The following KDM3B variants were observed in gnomAD, a reference collection of about 807,000 sequenced individuals.
KDM3B encodes lysine-specific demethylase 3B.
Under a neutral mutation model 170.0 loss-of-function variants are expected in KDM3B, and 10 were observed. That is an observed-to-expected ratio of 0.06 (90% confidence interval 0.04 to 0.10). The LOEUF (loss-of-function observed/expected upper bound fraction) is 0.10, where lower values mean the gene tolerates loss of function less well. Among genes scored for constraint, KDM3B ranks in the 10% least tolerant of loss-of-function variants. The pLI, the probability that KDM3B is intolerant of heterozygous loss-of-function variation, is 1.00. For synonymous variants in KDM3B, 831 were observed against 834.8 expected (o/e 1.00, Z 0.08); for missense variants, 1,394 against 2,195.2 (o/e 0.64, Z 7.29).
chr5:138,399,524 C>T (rs890896476), intron 10 of KDM3B, among the ~76,000 whole-genome samples: 6 of 151,606 alleles, frequency 4.0e-5, no homozygotes, highest in African/African-American at 1.2e-4. Context: ...GATGACAAAG[C>T]GAGACCCCAT....
intron 11 of KDM3B, among the ~76,000 whole-genome samples, chr5:138,410,640 C>T (rs946969450): frequency 1.2e-4 from 19 of 152,092 alleles, no homozygotes; most frequent in African/African-American, 4.1e-4. Flanking sequence ...CACCAATGCA[C>T]GGAGACCAGT....
At chr5:138,430,524 A>T in intron 22 of KDM3B, 99 bp downstream of exon 22, 1 of 1,069,246 alleles carries the variant, frequency 9.4e-7, no homozygotes, top group Non-Finnish European at 1.4e-6. Context: ...GCTGGATTGG[A>T]CTGATCTCTC....
At chr5:138,368,794 C>T (rs912409453) in intron 1 of KDM3B, among the ~76,000 whole-genome samples, 2 of 152,128 alleles carry the variant, frequency 1.3e-5, no homozygotes, top group Non-Finnish European at 2.9e-5. Flanking sequence ...ATTCCATGTC[C>T]TTTGCTCAAG....
intron 15 of KDM3B, among the ~76,000 whole-genome samples, chr5:138,423,548 A>C (rs1435475608): frequency 6.6e-6 from 1 of 152,166 alleles, no homozygotes; most frequent in Non-Finnish European, 1.5e-5. Flanking sequence ...AAAATTGGAG[A>C]GTAGGAGACT....
rs372219279 is a variant in KDM3B, at chr5:138,386,266, C to G, written c.1025C>G (p.Pro342Arg). ...EPGLDQRAKQ[P>R]PSTFVPQINR... is the part of the protein sequence containing the mutation. ...GGGCTGGATCAGAGAGCCAAGCAGCCACCGTCTACATTTGTCCCCCAGATA... is the reference window on the plus strand; with the variant it reads ...GGGCTGGATCAGAGAGCCAAGCAGCGACCGTCTACATTTGTCCCCCAGATA... Residue 342 changes from proline (P) to arginine (R), a missense_variant, in exon 7 of 24, where the codon CCA (proline) becomes CGA (arginine). By Grantham distance (103) the Pro-to-Arg change is moderately radical. This residue lies in a region of KDM3B where 205 missense variants were observed against 227.6 expected (regional missense o/e 0.90). Coordinates refer to ENST00000314358, the MANE Select transcript of KDM3B (RefSeq NM_016604.4). 1.2e-6 allele frequency: 2 copies of G among 1,614,010 alleles called. No individual in the cohort carries two copies. The highest frequency in any genetic ancestry group is 1.7e-6 in the Non-Finnish European group (2 of 1,180,038).
rs749148221 is a variant in KDM3B, at chr5:138,430,350, G to A, written c.4995G>A (p.Glu1665=). The A allele has an allele frequency of 6.2e-5, 100 of 1,614,054 alleles. No homozygotes were observed. The highest frequency in any genetic ancestry group is 7.7e-5 in the South Asian group (7 of 91,082). The stretch of plus-strand genomic sequence containing the variant: ...CCCTCCGTAAGCGACTCTATGAGGA[G>A]TATGGCGTGCAAGGCTGGGCTATTG... ...DQTLRKRLYE[E]YGVQGWAIVQ... The change falls in exon 22 of 24, where the codon GAG becomes GAA. Residue 1665 remains glutamate, a synonymous_variant. Transcript: ENST00000314358.
chr5:138,400,058 A>G (rs1762643832), intron 11 of KDM3B, 46 bp downstream of exon 11: 2 of 1,594,104 alleles, frequency 1.3e-6, no homozygotes. Context: ...ACGTGGAGGT[A>G]TGTCCAAGAT....
At chr5:138,382,639 C>G (rs965866743) in intron 6 of KDM3B, among the ~76,000 whole-genome samples, 1 of 152,056 alleles carries the variant, frequency 6.6e-6, no homozygotes, top group Non-Finnish European at 1.5e-5. Context: ...TTCTTGACTT[C>G]CTAAAACAAG....
intron 4 of KDM3B, among the ~76,000 whole-genome samples, chr5:138,378,946 T>G (rs1030358379): frequency 4.6e-5 from 7 of 151,966 alleles, no homozygotes; most frequent in African/African-American, 1.7e-4. Context: ...AGAGAGAAAC[T>G]GTCCTTAGAG....
intron 11 of KDM3B, among the ~76,000 whole-genome samples, chr5:138,404,530 G>A (rs1463206432): frequency 1.3e-5 from 2 of 151,870 alleles, no homozygotes; most frequent in African/African-American, 4.8e-5. Context: ...GGGAGGCTGA[G>A]GCAGGAGAAT....
chr5:138,388,076 G>A (rs566416768), intron 7 of KDM3B, among the ~76,000 whole-genome samples: 3 of 151,480 alleles, frequency 2.0e-5, no homozygotes, highest in South Asian at 2.1e-4. Flanking sequence ...GCAAGACTAT[G>A]TCTCAAAAAA....
chr5:138,415,097 C>A (rs373944314), intron 11 of KDM3B, 35 bp from the exon 12 acceptor site: 47 of 1,441,852 alleles, frequency 3.3e-5, no homozygotes, highest in Non-Finnish European at 4.3e-5. Flanking sequence ...ATTTTTGTGA[C>A]CCTTATAAAA....
rs1762597024 is a variant in KDM3B at position 138,398,290 on chromosome 5, A to C, written c.2944A>C (p.Ile982Leu). Residue 982 changes from isoleucine to leucine, a missense_variant, in exon 10 of 24, where the codon ATA becomes CTA. Coordinates refer to ENST00000314358, the MANE Select transcript of KDM3B (RefSeq NM_016604.4). ...TCCCTCTTCCTCCCTAGCAGAAGGG[A>C]TAGATCTAGAGACCTCAAAATACAT... ...WIPSSSLAEG[I>L]DLETSKYILA... The C allele has an allele frequency of 8.1e-6, 13 of 1,614,168 alleles. No homozygotes were observed. The highest frequency in any genetic ancestry group is 8.5e-6 in the Non-Finnish European group (10 of 1,180,022).
chr5:138,363,359 G>A (rs569043874), intron 1 of KDM3B, among the ~76,000 whole-genome samples: 3 of 151,952 alleles, frequency 2.0e-5, no homozygotes, highest in East Asian at 1.9e-4. Flanking sequence ...TTATTGATAC[G>A]GACTCACTGT....
chr5:138,410,067 A>G (rs1426182252), intron 11 of KDM3B, among the ~76,000 whole-genome samples: 2 of 151,836 alleles, frequency 1.3e-5, no homozygotes, highest in Non-Finnish European at 2.9e-5. Flanking sequence ...AGCCTGGGCA[A>G]TGAGCGAAAC....
chr5:138,353,323 C>T (rs1305035326), intron 1 of KDM3B, among the ~76,000 whole-genome samples: 3 of 152,214 alleles, frequency 2.0e-5, no homozygotes, highest in Non-Finnish European at 4.4e-5. Context: ...TCCCGGGAGC[C>T]TCAGAGTTCG....
intron 1 of KDM3B, among the ~76,000 whole-genome samples, chr5:138,371,454 CAAAAAAA>C (rs747631161): frequency 1.8e-5 from 1 of 56,680 alleles, no homozygotes; most frequent in African/African-American, 6.3e-5. Flanking sequence ...GACCCTGTCT[CAAAAAAA>C]AAAAAAAAAA....
intron 11 of KDM3B, among the ~76,000 whole-genome samples, chr5:138,408,782 A>C (rs1324211954): frequency 2.0e-5 from 3 of 152,256 alleles, no homozygotes; most frequent in Admixed American, 6.5e-5. Context: ...AGACTAAAAA[A>C]TAACCACATG....
chr5:138,384,398 G>A (rs941442334), intron 6 of KDM3B, among the ~76,000 whole-genome samples: 3 of 151,874 alleles, frequency 2.0e-5, no homozygotes, highest in Admixed American at 6.6e-5. Context: ...TCCGGAGTTC[G>A]AGACCAGCCT....
Sources: allele counts gnomAD v4.1 joint callset (sites outside exome capture counted in the v4.1 genomes callset), GRCh38; gene constraint gnomAD v4.1.1; regional missense constraint gnomAD v4.1.1; transcripts MANE v1.5; gene names NCBI Gene and HGNC (gene_info 2026-07-23, HGNC 2026-07-21).